Variants in DMD observed in about 807,000 individuals in gnomAD.
The protein encoded by DMD is mutant dystrophin.
Under a neutral mutation model 330.1 loss-of-function variants are expected in DMD, and 63 were observed. The observed-to-expected ratio is 0.19, with a 90% CI of 0.16 to 0.24. The LOEUF (loss-of-function observed/expected upper bound fraction) is 0.24, where lower values mean the gene tolerates loss of function less well. Ranked by LOEUF, DMD falls within the 10% of genes least tolerant of loss-of-function variation. DMD has a pLI of 1.00. For missense variants in DMD, 3,344 were observed against 2,684.1 expected (o/e 1.25, Z -5.43); for synonymous variants, 1,223 against 959.8 (o/e 1.27, Z -5.07).
chrX:32,618,573 C>T (rs1022561526), intron 11 of DMD, among the ~76,000 whole-genome samples: 8 of 110,854 alleles, frequency 7.2e-5, no homozygotes, highest in Non-Finnish European at 1.3e-4. Context: ...TAAGCTTATA[C>T]CTGGTGATGA....
chrX:32,194,186 AAAC>A (rs1296044801), intron 44 of DMD, among the ~76,000 whole-genome samples: 1 of 112,470 alleles, frequency 8.9e-6, no homozygotes, highest in Non-Finnish European at 1.9e-5. Context: ...ATAATTTTGA[AAAC>A]AAACTTTTTT....
chrX:32,791,898 AG>A (rs61190643), intron 7 of DMD, among the ~76,000 whole-genome samples: 4,773 of 111,670 alleles, frequency 0.043, 260 homozygotes, highest in African/African-American at 0.14. Flanking sequence ...GATCTCAAAA[AG>A]GGATACAATT....
chrX:32,726,276 T>C (rs1390663351), intron 7 of DMD, among the ~76,000 whole-genome samples: 1 of 111,375 alleles, frequency 9.0e-6, no homozygotes, highest in African/African-American at 3.3e-5. Context: ...AGCTTATCAA[T>C]GTCTCCCATA....
chrX:31,606,924 A>G (rs1003563972), intron 55 of DMD, among the ~76,000 whole-genome samples: 27 of 112,166 alleles, frequency 2.4e-4, no homozygotes, highest in African/African-American at 8.4e-4. Flanking sequence ...TCCGATCAAC[A>G]GATTGCATAC....
At chrX:32,857,445 C>A (rs1027061232) in intron 2 of DMD, among the ~76,000 whole-genome samples, 1 of 112,000 alleles carries the variant, frequency 8.9e-6, no homozygotes, top group Non-Finnish European at 1.9e-5. Context: ...GTATACAATG[C>A]CATTAAAATG....
chrX:32,386,190 A>G (rs2097956976), intron 33 of DMD, 120 bp downstream of exon 33: 1 of 736,984 alleles, frequency 1.4e-6, no homozygotes, highest in Non-Finnish European at 2.1e-6. Context: ...ATACATATAC[A>G]TAGAGAGAGA....
At chrX:31,402,661 G>C (rs1435316153) in intron 60 of DMD, among the ~76,000 whole-genome samples, 1 of 111,894 alleles carries the variant, frequency 8.9e-6, no homozygotes, top group Admixed American at 9.5e-5. Context: ...AAAAAGAATT[G>C]AACAGAAGGG....
At chrX:31,202,237 C>G (rs1318403993) in intron 67 of DMD, among the ~76,000 whole-genome samples, 1 of 111,612 alleles carries the variant, frequency 9.0e-6, no homozygotes, top group African/African-American at 3.3e-5. Flanking sequence ...GGAAATAACT[C>G]GCGTTTATGG....
intron 4 of DMD, 146 bp downstream of exon 4, chrX:32,844,637 G>T (rs752050460): frequency 5.2e-5 from 27 of 521,823 alleles, no homozygotes; most frequent in Non-Finnish European, 8.8e-5. Context: ...AGGCATACAC[G>T]AATTACAACA....
intron 1 of DMD, among the ~76,000 whole-genome samples, chrX:33,027,112 G>A (rs1216103913): frequency 8.9e-6 from 1 of 112,106 alleles, no homozygotes; most frequent in African/African-American, 3.2e-5. Context: ...ATGGCAAAGT[G>A]GAATTATTGC....
At chrX:31,369,561 C>A (rs115312798) in intron 60 of DMD, among the ~76,000 whole-genome samples, 1,767 of 111,358 alleles carry the variant, frequency 0.016, 39 homozygotes, top group African/African-American at 0.055. Context: ...GCGTAGCGTT[C>A]ATAAGAACAG....
intron 66 of DMD, among the ~76,000 whole-genome samples, chrX:31,205,123 C>T (rs955095103): frequency 2.7e-5 from 3 of 111,843 alleles, no homozygotes; most frequent in Non-Finnish European, 5.6e-5. Context: ...AATGAACATA[C>T]TGAATGCTTG....
chrX:31,126,724 A>C (rs749038435), intron 77 of DMD, 51 bp from the exon 78 acceptor site: 3 of 968,468 alleles, frequency 3.1e-6, no homozygotes, highest in Admixed American at 2.3e-5. Context: ...GGGAAAAAAA[A>C]CATGCATAAA....
intron 21 of DMD, among the ~76,000 whole-genome samples, chrX:32,478,525 TATG>T (rs1220687024): frequency 9.0e-6 from 1 of 111,699 alleles, no homozygotes; most frequent in Non-Finnish European, 1.9e-5. Flanking sequence ...ATGCATGATA[TATG>T]ATGATTAACA....
rs2097770501 is a variant in DMD, at chrX:32,348,259, C to G, written c.5448+147G>C. The G allele has an allele frequency of 1.0e-5, 6 of 595,363 alleles. No individual in the cohort carries two copies. The South Asian group carries it at 1.7e-4, about 17-fold the overall frequency. The allele number at this position is 595,363 out of a possible 1,213,427, so 49.1% of individuals were successfully genotyped here. ...TAATTCAGCATTTGTAATAAAAGGCCAAGAATATTCTGCATTTATAAAATT... is the reference window on the plus strand; with the variant it reads ...TAATTCAGCATTTGTAATAAAAGGCGAAGAATATTCTGCATTTATAAAATT... On this transcript the variant is annotated intron_variant, in intron 38 of 78. Coordinates refer to ENST00000357033, the MANE Select transcript of DMD (RefSeq NM_004006.3).
chrX:31,315,727 T>C (rs1224335065), intron 62 of DMD, among the ~76,000 whole-genome samples: 1 of 112,343 alleles, frequency 8.9e-6, no homozygotes, highest in Non-Finnish European at 1.9e-5. Context: ...TATAGGTGTA[T>C]GTATATATGT....
At chrX:32,490,198 T>C (rs1419799818) in intron 20 of DMD, among the ~76,000 whole-genome samples, 1 of 111,799 alleles carries the variant, frequency 8.9e-6, no homozygotes, top group Non-Finnish European at 1.9e-5. Context: ...TCTCCACTCC[T>C]TGCCTTTTGT....
chrX:32,386,038 T>A (rs1474429218), intron 33 of DMD, among the ~76,000 whole-genome samples: 2 of 110,304 alleles, frequency 1.8e-5, no homozygotes, highest in Non-Finnish European at 3.8e-5. Context: ...GCGTTACGTA[T>A]TTTTCAATCT....
intron 55 of DMD, among the ~76,000 whole-genome samples, chrX:31,530,647 CTT>C (rs1192286078): frequency 1.8e-3 from 89 of 49,818 alleles, no homozygotes; most frequent in African/African-American, 2.3e-3. Flanking sequence ...ACTGGTTTCT[CTT>C]TTTTTTTTTT....
Sources: gnomAD v4.1 joint callset for allele counts (sites outside exome capture counted in the v4.1 genomes callset) on GRCh38, gnomAD v4.1.1 for gene constraint, MANE v1.5 for transcripts, NCBI Gene and HGNC (gene_info 2026-07-23, HGNC 2026-07-21) for gene names.